Variants in ADARB1 observed in about 807,000 individuals in gnomAD.
ADARB1 encodes double-stranded RNA-specific editase 1.
ADARB1 carries 10 observed loss-of-function variants against 52.4 expected under a neutral mutation model. That is an observed-to-expected ratio of 0.19 (90% confidence interval 0.12 to 0.32). The LOEUF is 0.32. Among genes scored for constraint, ADARB1 ranks in the 10% least tolerant of loss-of-function variants. ADARB1 has a pLI of 1.00. For missense variants in ADARB1, 643 were observed against 922.3 expected (o/e 0.70, Z 3.92); for synonymous variants, 349 against 371.1 (o/e 0.94, Z 0.68).
intron 1 of ADARB1, among the ~76,000 whole-genome samples, chr21:45,121,731 A>G (rs1378918557): frequency 6.6e-5 from 10 of 151,988 alleles, no homozygotes; most frequent in Non-Finnish European, 1.2e-4. Flanking sequence ...CATTATAGCT[A>G]TTATTTCTGG....
At chr21:45,179,510 A>G (rs2091841553) in intron 4 of ADARB1, among the ~76,000 whole-genome samples, 1 of 152,216 alleles carries the variant, frequency 6.6e-6, no homozygotes, top group African/African-American at 2.4e-5. Flanking sequence ...TGGGCTCATT[A>G]TATCCAAGAT....
At chr21:45,177,911 C>T (rs1421684278) in intron 4 of ADARB1, among the ~76,000 whole-genome samples, 1 of 152,018 alleles carries the variant, frequency 6.6e-6, no homozygotes, top group Non-Finnish European at 1.5e-5. Context: ...ACTTGCTTCC[C>T]TTATTAACCT....
At chr21:45,099,852 A>T (rs1190368027) in intron 1 of ADARB1, among the ~76,000 whole-genome samples, 1 of 152,106 alleles carries the variant, frequency 6.6e-6, no homozygotes, top group African/African-American at 2.4e-5. Context: ...GGGGCCCTGA[A>T]GCCCTCCTAG....
chr21:45,089,496 C>G (rs974132455), intron 1 of ADARB1, among the ~76,000 whole-genome samples: 1 of 151,624 alleles, frequency 6.6e-6, no homozygotes, highest in African/African-American at 2.4e-5. Flanking sequence ...TCAAATTTAT[C>G]AGTTTTTTTC....
intron 1 of ADARB1, among the ~76,000 whole-genome samples, chr21:45,109,420 A>G (rs1277880080): frequency 6.6e-6 from 1 of 152,166 alleles, no homozygotes; most frequent in African/African-American, 2.4e-5. Context: ...GCAGTTTCCC[A>G]TTTTGTAGGC....
chr21:45,140,472 C>G (rs1237923360), intron 2 of ADARB1, among the ~76,000 whole-genome samples: 1 of 152,166 alleles, frequency 6.6e-6, no homozygotes, highest in Admixed American at 6.5e-5. Flanking sequence ...TGGGTGGCTC[C>G]TGGCTTGGTT....
At chr21:45,103,058 C>G (rs765813877) in intron 1 of ADARB1, among the ~76,000 whole-genome samples, 1 of 152,178 alleles carries the variant, frequency 6.6e-6, no homozygotes, top group African/African-American at 2.4e-5. Context: ...AGAAAAACAT[C>G]AGACAGATCC....
chr21:45,137,723 G>T (rs916429990), intron 2 of ADARB1, among the ~76,000 whole-genome samples: 2 of 152,188 alleles, frequency 1.3e-5, no homozygotes, highest in Admixed American at 6.5e-5. Flanking sequence ...GGAAGCCTGT[G>T]ATGATGGTGG....
At chr21:45,118,375 G>T (rs778190766) in intron 1 of ADARB1, among the ~76,000 whole-genome samples, 14 of 152,164 alleles carry the variant, frequency 9.2e-5, no homozygotes, top group Non-Finnish European at 2.1e-4. Flanking sequence ...TAGAATGGAT[G>T]GCTGACAGAC....
intron 2 of ADARB1, among the ~76,000 whole-genome samples, chr21:45,169,831 C>T (rs1286048462): frequency 1.3e-5 from 2 of 152,192 alleles, no homozygotes; most frequent in African/African-American, 4.8e-5. Context: ...ACCTGTTTTC[C>T]CGTCTTCGTG....
intron 1 of ADARB1, among the ~76,000 whole-genome samples, chr21:45,079,435 G>A (rs554477546): frequency 6.6e-6 from 1 of 152,230 alleles, no homozygotes; most frequent in East Asian, 1.9e-4. Flanking sequence ...TTGACTTGGC[G>A]TTGGTGCCAG....
intron 1 of ADARB1, among the ~76,000 whole-genome samples, chr21:45,119,264 A>T (rs2088011287): frequency 6.6e-6 from 1 of 152,044 alleles, no homozygotes; most frequent in Admixed American, 6.5e-5. Context: ...TTAATTTTTA[A>T]ATTTTTTGTA....
At position 45,224,857 on chromosome 21, in the gene ADARB1, G is replaced by A. The variant is rs569689394; in HGVS notation, c.*2660G>A. 1.1e-5 allele frequency: 11 copies of A among 985,760 alleles called. No homozygotes were observed. The highest frequency in any genetic ancestry group is 3.5e-5 in the African/African-American group (2 of 57,204). 61.1% of individuals were successfully genotyped at this position (985,760 alleles called of 1,614,324 possible). A position where few individuals can be genotyped will look rare whatever the true frequency, so the allele number is the denominator to read the frequency against. ...CGCTGACTCCTCCGTGAGACAGATC[G>A]GGGACCTTAGCACTTTAATCCCTCC... On this transcript the variant is annotated 3_prime_UTR_variant, in exon 11 of 11. Coordinates refer to ENST00000348831, the MANE Select transcript of ADARB1 (RefSeq NM_001112.4).
chr21:45,114,862 C>T lies in ADARB1; in HGVS notation c.-219-13540C>T, dbSNP rs536652210. Among the ~76,000 whole-genome samples the T allele has an allele frequency of 2.0e-5, 3 of 152,350 alleles. No homozygotes were observed. The South Asian group carries it at 6.2e-4, about 32-fold the overall frequency. On this transcript the variant is annotated intron_variant, in intron 1 of 10. Coordinates refer to ENST00000348831, the MANE Select transcript of ADARB1 (RefSeq NM_001112.4). Reference sequence around the variant, plus strand: ...AGATGCTGCAGGGTGACAGTAGCCTCAGAGCCAGGGGGCTGCATTGCTGGA... The same window carrying T: ...AGATGCTGCAGGGTGACAGTAGCCTTAGAGCCAGGGGGCTGCATTGCTGGA...
At chr21:45,135,745 A>G (rs912917871) in intron 2 of ADARB1, among the ~76,000 whole-genome samples, 4 of 146,530 alleles carry the variant, frequency 2.7e-5, no homozygotes, top group Non-Finnish European at 4.6e-5. Flanking sequence ...GAAAAATTGG[A>G]AAAAAAACAT....
At chr21:45,197,499 C>CA (rs58085027) in intron 8 of ADARB1, among the ~76,000 whole-genome samples, 4,378 of 113,572 alleles carry the variant, frequency 0.039, 169 homozygotes, top group African/African-American at 0.11. Context: ...GACTCTGTCT[C>CA]AAAAAAAAAA....
At chr21:45,121,633 T>C (rs1364538445) in intron 1 of ADARB1, among the ~76,000 whole-genome samples, 1 of 152,210 alleles carries the variant, frequency 6.6e-6, no homozygotes, top group Non-Finnish European at 1.5e-5. Context: ...GGGTTATTGC[T>C]TCGGTTCTAC....
chr21:45,226,345 A>G lies in ADARB1; in HGVS notation c.*4148A>G, dbSNP rs2093058526. The G allele has an allele frequency of 6.6e-6, 1 of 152,652 alleles. No individual in the cohort carries two copies. The highest frequency in any genetic ancestry group is 2.4e-5 in the African/African-American group (1 of 41,448). 9.5% of individuals were successfully genotyped at this position (152,652 alleles called of 1,614,324 possible). ...GATTACATGCTTTTAATTTGATTTT[A>G]GAATCTGGACACTTTCTATGAATGT... On this transcript the variant is annotated 3_prime_UTR_variant, in exon 11 of 11. Coordinates refer to ENST00000348831, the MANE Select transcript of ADARB1 (RefSeq NM_001112.4).
chr21:45,203,490 T>C (rs554996396), intron 8 of ADARB1, among the ~76,000 whole-genome samples: 14 of 152,318 alleles, frequency 9.2e-5, no homozygotes, highest in African/African-American at 2.9e-4. Context: ...CCTGTGTATG[T>C]AGCGCCCAGC....
Sources: allele counts gnomAD v4.1 joint callset (sites outside exome capture counted in the v4.1 genomes callset), GRCh38; gene constraint gnomAD v4.1.1; transcripts MANE v1.5; gene names NCBI Gene and HGNC (gene_info 2026-07-23, HGNC 2026-07-21).